CDK14: variants seen among roughly 807,000 people sequenced by gnomAD.
CDK14 encodes the protein cyclin dependent kinase 14.
CDK14 carries 34 observed loss-of-function variants against 60.7 expected under a neutral mutation model. The ratio of observed to expected loss-of-function variants is 0.56; its 90% CI spans 0.43 to 0.75. The LOEUF (loss-of-function observed/expected upper bound fraction) is 0.75. Ranked by LOEUF, CDK14 falls within the 30% of genes least tolerant of loss-of-function variation. CDK14 has a pLI of 0.00. For missense variants in CDK14, 482 were observed against 564.1 expected (o/e 0.85, Z 1.47); for synonymous variants, 197 against 203.7 (o/e 0.97, Z 0.28).
At chr7:91,175,667 T>C (rs1299192499) in intron 14 of CDK14, among the ~76,000 whole-genome samples, 13 of 151,156 alleles carry the variant, frequency 8.6e-5, no homozygotes, top group Non-Finnish European at 1.8e-4. Flanking sequence ...TCCTAGTTTC[T>C]GATAAAACAG....
At chr7:91,116,230 T>C (rs897467659) in intron 13 of CDK14, among the ~76,000 whole-genome samples, 4 of 152,238 alleles carry the variant, frequency 2.6e-5, no homozygotes, top group African/African-American at 9.6e-5. Flanking sequence ...ATACACTTCA[T>C]AGCACAGAGT....
intron 10 of CDK14, among the ~76,000 whole-genome samples, chr7:91,030,059 T>C (rs890400442): frequency 1.3e-5 from 2 of 152,160 alleles, no homozygotes; most frequent in African/African-American, 4.8e-5. Flanking sequence ...TAGCTTTTCC[T>C]AGGCAAAAAT....
chr7:90,853,201 C>T (rs544402997), intron 5 of CDK14, among the ~76,000 whole-genome samples: 36 of 152,110 alleles, frequency 2.4e-4, no homozygotes, highest in Non-Finnish European at 4.9e-4. Flanking sequence ...CATATAATTA[C>T]GACCTTATCA....
chr7:90,865,624 G>A (rs976737544), intron 6 of CDK14, among the ~76,000 whole-genome samples: 2 of 152,184 alleles, frequency 1.3e-5, no homozygotes, highest in African/African-American at 4.8e-5. Flanking sequence ...TAGGAAACAG[G>A]AGGGCACTGT....
chr7:91,013,671 T>C (rs1320099544), intron 10 of CDK14, among the ~76,000 whole-genome samples: 2 of 150,482 alleles, frequency 1.3e-5, no homozygotes, highest in African/African-American at 4.9e-5. Flanking sequence ...TTTTTTTTTT[T>C]TTTTCTTTTT....
intron 4 of CDK14, among the ~76,000 whole-genome samples, chr7:90,768,747 C>A (rs1211795251): frequency 2.0e-5 from 3 of 152,180 alleles, no homozygotes; most frequent in Non-Finnish European, 2.9e-5. Context: ...GTGAGTTCAG[C>A]TGACTAATTA....
intron 10 of CDK14, among the ~76,000 whole-genome samples, chr7:91,010,336 T>G (rs1364675682): frequency 6.6e-6 from 1 of 152,102 alleles, no homozygotes; most frequent in Non-Finnish European, 1.5e-5. Flanking sequence ...TATATTGAAT[T>G]TATAGATCAG....
At chr7:90,642,395 CT>C (rs1364491918) in intron 2 of CDK14, among the ~76,000 whole-genome samples, 3 of 152,090 alleles carry the variant, frequency 2.0e-5, no homozygotes, top group African/African-American at 4.8e-5. Context: ...CATTTTCCCC[CT>C]ATATAAGTAC....
intron 2 of CDK14, among the ~76,000 whole-genome samples, chr7:90,677,367 A>G (rs1160446057): frequency 6.6e-6 from 1 of 152,206 alleles, no homozygotes; most frequent in Non-Finnish European, 1.5e-5. Context: ...GTTTCATACT[A>G]ATTTTCACTT....
At chr7:90,735,375 G>T (rs551134376) in intron 3 of CDK14, among the ~76,000 whole-genome samples, 226 of 152,332 alleles carry the variant, frequency 1.5e-3, no homozygotes, top group African/African-American at 5.1e-3. Context: ...GAGCTGTCAG[G>T]CAGGGATGTT....
chr7:90,674,456 G>A (rs993125171), intron 2 of CDK14, among the ~76,000 whole-genome samples: 3 of 152,178 alleles, frequency 2.0e-5, no homozygotes, highest in African/African-American at 7.2e-5. Context: ...AATTCCCCTA[G>A]AAGAGTATTA....
At chr7:91,005,237 G>T (rs990393197) in intron 10 of CDK14, among the ~76,000 whole-genome samples, 2 of 152,242 alleles carry the variant, frequency 1.3e-5, no homozygotes, top group Non-Finnish European at 2.9e-5. Context: ...AGCCAGCAGG[G>T]AACTGCTGAC....
Position 91,045,882 on chromosome 7 carries a change from C to G in CDK14, c.1042-15C>G. The G allele has an allele frequency of 5.1e-6, 8 of 1,582,674 alleles. No individual in the cohort carries two copies. Among genetic ancestry groups the G allele is most frequent in the Non-Finnish European group, 6.9e-6 (8 of 1,151,752 alleles). Reference sequence around the variant, plus strand: ...AATAATAAGGCTGTTTCCACAATCTCCTACTCTCCACTAGGTTCTTGGAAC... The same window carrying G: ...AATAATAAGGCTGTTTCCACAATCTGCTACTCTCCACTAGGTTCTTGGAAC... On this transcript the variant is annotated splice_polypyrimidine_tract_variant and intron_variant, in intron 10 of 14. Coordinates refer to ENST00000380050, the MANE Select transcript of CDK14 (RefSeq NM_001287135.2).
intron 4 of CDK14, among the ~76,000 whole-genome samples, chr7:90,775,490 A>G (rs1006802482): frequency 6.6e-6 from 1 of 152,208 alleles, no homozygotes; most frequent in East Asian, 1.9e-4. Context: ...TGAAATGGCA[A>G]CTTGACCTCA....
At chr7:90,611,902 G>A (rs1211793532) in intron 2 of CDK14, among the ~76,000 whole-genome samples, 1 of 143,758 alleles carries the variant, frequency 7.0e-6, no homozygotes, top group African/African-American at 2.6e-5. Context: ...GCGCAATCTC[G>A]GCTCACTGCA....
intron 9 of CDK14, among the ~76,000 whole-genome samples, chr7:90,981,056 CA>C (rs1434328445): frequency 6.6e-6 from 1 of 151,872 alleles, no homozygotes; most frequent in East Asian, 1.9e-4. Context: ...AAAGGAAGGC[CA>C]AAAAGTAGAG....
intron 14 of CDK14, among the ~76,000 whole-genome samples, chr7:91,193,808 A>G (rs1034905780): frequency 6.6e-6 from 1 of 152,182 alleles, no homozygotes; most frequent in Non-Finnish European, 1.5e-5. Context: ...GGTACTGATC[A>G]AGATAGCCCT....
intron 8 of CDK14, among the ~76,000 whole-genome samples, chr7:90,931,547 G>A (rs982049804): frequency 6.6e-6 from 1 of 152,196 alleles, no homozygotes; most frequent in Middle Eastern, 3.2e-3. Flanking sequence ...CCAGCCTCCT[G>A]ACAGTCCCTG....
intron 2 of CDK14, chr7:90,710,604 A>T: frequency 4.4e-6 from 4 of 918,944 alleles, no homozygotes; most frequent in Non-Finnish European, 5.2e-6. Context: ...TGTAGTGGTT[A>T]TGCTTTTATG....
Sources: gnomAD v4.1 joint callset for allele counts (sites outside exome capture counted in the v4.1 genomes callset) on GRCh38, gnomAD v4.1.1 for gene constraint, MANE v1.5 for transcripts, NCBI Gene and HGNC (gene_info 2026-07-23, HGNC 2026-07-21) for gene names.